FAAP100: variants seen among roughly 807,000 people sequenced by gnomAD.
The protein encoded by FAAP100 is FA core complex associated protein 100.
In FAAP100, 46 loss-of-function variants were observed where a neutral mutation model predicts 65.8. The ratio of observed to expected loss-of-function variants is 0.70; its 90% CI spans 0.55 to 0.89. The LOEUF (loss-of-function observed/expected upper bound fraction) is 0.89. FAAP100 is among the 40% of genes least tolerant of loss of function. The probability of loss-of-function intolerance (pLI) is 0.00; values close to 1 mark genes in which losing one functional copy is unlikely to be tolerated. For synonymous variants in FAAP100, 663 were observed against 555.1 expected, an observed-to-expected ratio of 1.19 and a Z score of -2.73; for missense variants, 1,165 against 1,196.7, an observed-to-expected ratio of 0.97 and a Z score of 0.39.
intron 7 of FAAP100, among the ~76,000 whole-genome samples, chr17:81,541,716 T>C (rs1210766526): frequency 6.6e-6 from 1 of 152,070 alleles, no homozygotes; most frequent in African/African-American, 2.4e-5. Context: ...CGCCCCCTTC[T>C]CCCATCCTGG....
At chr17:81,552,124 G>GCC in intron 1 of FAAP100, 42 bp downstream of exon 1, 1 of 1,471,412 alleles carries the variant, frequency 6.8e-7, no homozygotes, top group African/African-American at 1.5e-5. Context: ...GCGAACCGCC[G>GCC]CCCCCGCCCG....
rs377744624 is a variant in FAAP100 at position 81,547,079 on chromosome 17, G to T, written c.2003C>A (p.Pro668Gln). Residue 668 changes from proline to glutamine, a missense_variant, in exon 5 of 9, where the codon CCA (proline) becomes CAA (glutamine). Physicochemically the swap from Pro to Gln is moderately conservative, Grantham distance 76. Coordinates refer to ENST00000327787, the MANE Select transcript of FAAP100 (RefSeq NM_025161.6). Reference sequence around the variant, plus strand: ...CACAGGGTCTCGGGTGGGGCCGAGTGGGGAGGGGGCCCGTGTGTGTGGCGG... The same window carrying T: ...CACAGGGTCTCGGGTGGGGCCGAGTTGGGAGGGGGCCCGTGTGTGTGGCGG... ...LAPPHTRAPS[P>Q]LGPTRDPVAT... 1.2e-5 allele frequency: 19 copies of T among 1,538,834 alleles called. No homozygotes were observed. In the African/African-American group the frequency reaches 1.8e-4, roughly 15 times the overall value.
intron 6 of FAAP100, among the ~76,000 whole-genome samples, chr17:81,544,856 G>A (rs2033243425): frequency 6.6e-6 from 1 of 152,208 alleles, no homozygotes; most frequent in South Asian, 2.1e-4. Context: ...GGTACCCGAG[G>A]GCCGAGGCTT....
At position 81,552,157 on chromosome 17, in the gene FAAP100, G is replaced by T; in HGVS notation, c.165+9C>A. The T allele has an allele frequency of 6.7e-7, 1 of 1,490,128 alleles. No homozygotes were observed. The highest frequency in any genetic ancestry group is 2.3e-5 in the Admixed American group (1 of 43,784). 92.3% of individuals were successfully genotyped at this position (1,490,128 alleles called of 1,614,324 possible). A position where few individuals can be genotyped will look rare whatever the true frequency, so the allele number is the denominator to read the frequency against. ...CCGGTCCCTCCCGCCCCCGCGGGCC[G>T]GCGCTCACGGTCAGCAGCCCGCCCT... On this transcript the variant is annotated intron_variant, in intron 1 of 8. Transcript: ENST00000327787.
intron 5 of FAAP100, 135 bp from the exon 6 acceptor site, chr17:81,546,017 G>GC (rs1488424316): frequency 1.6e-6 from 2 of 1,223,296 alleles, no homozygotes; most frequent in South Asian, 1.6e-5. Context: ...GCTGTCCCCA[G>GC]CCCCACCCTA....
chr17:81,548,308 C>G, intron 4 of FAAP100: 1 of 396,776 alleles, frequency 2.5e-6, no homozygotes, highest in Non-Finnish European at 4.6e-6. Context: ...GGTGAGGACT[C>G]AGCAGGGGAC....
At chr17:81,541,007 G>T (rs1228707252) in intron 8 of FAAP100, 57 bp from the exon 9 acceptor site, 2 of 1,502,104 alleles carry the variant, frequency 1.3e-6, no homozygotes, top group African/African-American at 1.4e-5. Context: ...GATGTCACTG[G>T]GTACCTCTGG....
chr17:81,547,709 G>C (rs372516549), intron 4 of FAAP100, 31 bp from the exon 5 acceptor site: 6 of 1,601,388 alleles, frequency 3.7e-6, no homozygotes, highest in Non-Finnish European at 4.3e-6. Context: ...CCCCGGGAGC[G>C]GGGGGACACC....
chr17:81,541,538 T>C (rs2033096303), intron 7 of FAAP100, 143 bp from the exon 8 acceptor site: 3 of 718,144 alleles, frequency 4.2e-6, no homozygotes, highest in Non-Finnish European at 7.2e-6. Context: ...GCTTTGCTGT[T>C]TTCCACCTTG....
rs1032412639 is a variant in FAAP100, at chr17:81,540,649, C to G, written c.*170G>C. On this transcript the variant is annotated 3_prime_UTR_variant, in exon 9 of 9. Transcript: ENST00000327787. ...GCTCCCAATCAGAATCTGCTTTGTG[C>G]TCCACGGCCTCCAAGCACTTTCATG... 3.3e-6 allele frequency: 3 copies of G among 907,198 alleles called. No homozygotes were observed. The highest frequency in any genetic ancestry group is 3.4e-5 in the African/African-American group (2 of 58,670). 56.2% of individuals were successfully genotyped at this position (907,198 alleles called of 1,614,324 possible).
intron 2 of FAAP100, 25 bp from the exon 3 acceptor site, chr17:81,551,228 C>A: frequency 6.8e-7 from 1 of 1,478,084 alleles, no homozygotes; most frequent in Non-Finnish European, 9.0e-7. Context: ...ACGCACTGGT[C>A]AGGCCTGGGC....
At position 81,540,079 on chromosome 17, in the gene FAAP100, CCCG is replaced by C. The variant is rs1272405656; in HGVS notation, c.*737_*739del. On this transcript the variant is annotated 3_prime_UTR_variant, in exon 9 of 9. Transcript: ENST00000327787. ...TGGGGGCTGGGGCTCAGGGCCCCCC[CCCG>C]GGCCACAGCGCCACCCTGAGTGGCC... 2.9e-6 allele frequency: 1 copy of C among 341,954 alleles called. No homozygotes were observed. Among genetic ancestry groups the C allele is most frequent in the Non-Finnish European group, 5.1e-6 (1 of 196,598 alleles). The allele number at this position is 341,954 out of a possible 1,614,324, so 21.2% of individuals were successfully genotyped here. A position where few individuals can be genotyped will look rare whatever the true frequency, so the allele number is the denominator to read the frequency against.
chr17:81,548,372 C>T (rs562996336), intron 4 of FAAP100: 1 of 245,546 alleles, frequency 4.1e-6, no homozygotes, highest in East Asian at 7.7e-5. Flanking sequence ...GCAGTCCCGG[C>T]TTATCTTCCA....
At position 81,543,125 on chromosome 17, in the gene FAAP100, T is replaced by C. The variant is rs182649270; in HGVS notation, c.2427+879A>G. Among the ~76,000 whole-genome samples the C allele has an allele frequency of 3.8e-3, 573 of 152,328 alleles. 3 individuals are homozygous for C. Among genetic ancestry groups the C allele is most frequent in the Admixed American group, 7.1e-3 (108 of 15,300 alleles). The stretch of plus-strand genomic sequence containing the variant: ...GGTGCTGCGTGAGTTGATGTGTTCA[T>C]TGGGGTCGGCCATCTGAGCCACCTG... On this transcript the variant is annotated intron_variant, in intron 7 of 8. Transcript: ENST00000327787.
rs2033525171 is a variant in FAAP100 at position 81,552,271 on chromosome 17, G to A, written c.60C>T (p.Gly20=). The A allele has an allele frequency of 2.0e-6, 3 of 1,477,430 alleles. No individual in the cohort carries two copies. The highest frequency in any genetic ancestry group is 2.6e-5 in the South Asian group (2 of 78,074). The allele number at this position is 1,477,430 out of a possible 1,614,324, so 91.5% of individuals were successfully genotyped here. Residue 20 remains glycine (G), a synonymous_variant, in exon 1 of 9, where the codon GGC becomes GGT. Coordinates refer to ENST00000327787, the MANE Select transcript of FAAP100 (RefSeq NM_025161.6). ...YLAGFCCPLG[G]LAAGKPRVLC... is the part of the protein sequence containing the mutation. ...GCACGCGGGGCTTGCCCGCCGCCAG[G>A]CCCCCGAGAGGGCAGCAGAAGCCCG...
chr17:81,540,490 GGCT>G lies in FAAP100; in HGVS notation c.*326_*328del, dbSNP rs770349290. 1.3e-4 allele frequency: 54 copies of G among 410,812 alleles called. 1 individual carries two copies. In the Middle Eastern group the frequency reaches 0.011, roughly 81 times the overall value. 25.4% of individuals were successfully genotyped at this position (410,812 alleles called of 1,614,324 possible). A position where few individuals can be genotyped will look rare whatever the true frequency, so the allele number is the denominator to read the frequency against. ...CCCTGCACTGCCTCCTGGCCTCAGG[GGCT>G]GCTGCGGTGGTGGGAAGGCTGCCCA... is the stretch of plus-strand genomic sequence containing the variant. On this transcript the variant is annotated 3_prime_UTR_variant, in exon 9 of 9. Transcript: ENST00000327787.
At position 81,540,691 on chromosome 17, in the gene FAAP100, G is replaced by T; in HGVS notation, c.*128C>A. ...ACTTTCATGAGCGTTCTGCTCCTAC[G>T]TGGCCAGGTCCTACCTTCCCTGACG... On this transcript the variant is annotated 3_prime_UTR_variant, in exon 9 of 9. Transcript: ENST00000327787. The T allele has an allele frequency of 8.1e-7, 1 of 1,233,876 alleles. No individual in the cohort carries two copies. Among genetic ancestry groups the T allele is most frequent in the Admixed American group, 3.3e-5 (1 of 30,480 alleles). The allele number at this position is 1,233,876 out of a possible 1,614,324, so 76.4% of individuals were successfully genotyped here. A position where few individuals can be genotyped will look rare whatever the true frequency, so the allele number is the denominator to read the frequency against.
In FAAP100 at chr17:81,540,077, C is replaced by T. The variant is rs557223552; in HGVS notation, c.*742G>A. The T allele has an allele frequency of 4.1e-5, 14 of 341,222 alleles. No homozygotes were observed. Among genetic ancestry groups the T allele is most frequent in the Non-Finnish European group, 7.1e-5 (14 of 196,260 alleles). The allele number at this position is 341,222 out of a possible 1,614,324, so 21.1% of individuals were successfully genotyped here. A position where few individuals can be genotyped will look rare whatever the true frequency, so the allele number is the denominator to read the frequency against. On this transcript the variant is annotated 3_prime_UTR_variant, in exon 9 of 9. Coordinates refer to ENST00000327787, the MANE Select transcript of FAAP100 (RefSeq NM_025161.6). ...GCTGGGGGCTGGGGCTCAGGGCCCC[C>T]CCCCGGGCCACAGCGCCACCCTGAG...
intron 7 of FAAP100, 27 bp downstream of exon 7, chr17:81,543,977 G>T: frequency 6.3e-6 from 10 of 1,589,432 alleles, no homozygotes; most frequent in Non-Finnish European, 8.6e-6. Context: ...ACAGATCCTG[G>T]CCACCTTCCC....
Sources: gnomAD v4.1 joint callset for allele counts (sites outside exome capture counted in the v4.1 genomes callset) on GRCh38, gnomAD v4.1.1 for gene constraint, MANE v1.5 for transcripts, NCBI Gene and HGNC (gene_info 2026-07-23, HGNC 2026-07-21) for gene names.